Variants in BDP1 observed in about 807,000 individuals in gnomAD.
BDP1 encodes transcription factor TFIIIB component B'' homolog.
Under a neutral mutation model 266.6 loss-of-function variants are expected in BDP1, and 169 were observed. The observed-to-expected ratio is 0.63, with a 90% CI of 0.56 to 0.72. BDP1 has a LOEUF of 0.72. Among genes scored for constraint, BDP1 ranks in the 30% least tolerant of loss-of-function variants. The pLI, the probability that BDP1 is intolerant of heterozygous loss-of-function variation, is 0.00. For synonymous variants in BDP1, 1,090 were observed against 1,022.4 expected, an observed-to-expected ratio of 1.07 and a Z score of -1.26; for missense variants, 3,015 against 3,053.8, an observed-to-expected ratio of 0.99 and a Z score of 0.30.
At chr5:71,464,235 C>G (rs1761757208) in intron 4 of BDP1, 118 bp downstream of exon 4, 1 of 640,736 alleles carries the variant, frequency 1.6e-6, no homozygotes, top group East Asian at 3.0e-5. Context: ...GTGGTTCACT[C>G]CTGTAATCTC....
intron 7 of BDP1, among the ~76,000 whole-genome samples, chr5:71,477,107 A>G (rs1236485934): frequency 6.6e-6 from 1 of 151,112 alleles, no homozygotes; most frequent in Admixed American, 6.6e-5. Flanking sequence ...TCAGCCTCCC[A>G]AAGTGCGGGG....
At chr5:71,470,226 G>A (rs1404308719) in intron 6 of BDP1, among the ~76,000 whole-genome samples, 169 bp from the exon 7 acceptor site, 1 of 152,148 alleles carries the variant, frequency 6.6e-6, no homozygotes, top group East Asian at 1.9e-4. Flanking sequence ...ACCATGCCCA[G>A]CCTACGATTT....
Position 71,510,551 on chromosome 5 carries a change from A to G in BDP1, c.3459A>G (p.Ile1153Met). The part of the protein sequence containing the change: ...KDLEETGRRE[I>M]SPEENGPEEV... ...TGGAAGAAACTGGAAGAAGAGAAAT[A>G]TCCCCAGAGGAAAATGGCCCAGAGG... The change falls in exon 17 of 39, where the codon ATA (isoleucine) becomes ATG (methionine). Residue 1153 changes from isoleucine to methionine, a missense_variant. Physicochemically the swap from Ile to Met is conservative, Grantham distance 10 (BLOSUM62 1). Coordinates refer to ENST00000358731, the MANE Select transcript of BDP1 (RefSeq NM_018429.3). 1 of 1,614,134 alleles carries G rather than the reference A, an allele frequency of 6.2e-7. No homozygotes were observed. Among genetic ancestry groups the G allele is most frequent in the South Asian group, 1.1e-5 (1 of 91,058 alleles).
intron 10 of BDP1, 82 bp downstream of exon 10, chr5:71,489,764 G>A: frequency 8.2e-7 from 1 of 1,224,772 alleles, no homozygotes; most frequent in East Asian, 2.4e-5. Flanking sequence ...TTAATTTTCT[G>A]TCTAGATAGC....
At chr5:71,574,099 A>G in the BDP1 span, among the ~76,000 whole-genome samples, 3 of 152,284 alleles carry the variant, frequency 2.0e-5, no homozygotes, top group East Asian at 5.8e-4. Flanking sequence ...TCGATCTACA[A>G]TGTCAGTGCA....
At chr5:71,500,316 CTTTTTTTTTTT>C (rs58201517) in intron 13 of BDP1, among the ~76,000 whole-genome samples, 5 of 73,112 alleles carry the variant, frequency 6.8e-5, no homozygotes, top group Non-Finnish European at 1.2e-4. Flanking sequence ...AATCTTGTTT[CTTTTTTTTTTT>C]TTTTTTTTTT....
chr5:71,459,268 T>A (rs1360361776), intron 2 of BDP1, among the ~76,000 whole-genome samples: 1 of 152,158 alleles, frequency 6.6e-6, no homozygotes, highest in East Asian at 1.9e-4. Context: ...TCCCAGCACT[T>A]TGGGAGGACT....
In BDP1 at chr5:71,509,778, A is replaced by G. The variant is rs1764793449; in HGVS notation, c.2686A>G (p.Ile896Val). 1.9e-6 allele frequency: 3 copies of G among 1,614,068 alleles called. No individual in the cohort carries two copies. The highest frequency in any genetic ancestry group is 1.3e-5 in the African/African-American group (1 of 74,940). ...GATTCTAGATGTGATTGATGACACC[A>G]TAGAAATGGAGACAGGTCTGAAAGC... ...EKILDVIDDT[I>V]EMETGLKAMG... is the part of the protein sequence containing the mutation. Residue 896 changes from isoleucine to valine, a missense_variant, in exon 17 of 39, where the codon ATA becomes GTA. Coordinates refer to ENST00000358731, the MANE Select transcript of BDP1 (RefSeq NM_018429.3).
At chr5:71,499,839 A>G (rs1764122761) in intron 13 of BDP1, among the ~76,000 whole-genome samples, 1 of 152,184 alleles carries the variant, frequency 6.6e-6, no homozygotes, top group African/African-American at 2.4e-5. Flanking sequence ...AGGCTTTCTC[A>G]AGGAAACAAA....
At chr5:71,527,661 A>G (rs1003036121) in intron 25 of BDP1, among the ~76,000 whole-genome samples, 5 of 152,022 alleles carry the variant, frequency 3.3e-5, no homozygotes, top group South Asian at 2.1e-4. Context: ...TTATTCCTTT[A>G]TCATCAATGG....
downstream of BDP1, among the ~76,000 whole-genome samples, chr5:71,572,707 G>A (rs1476486467): frequency 6.6e-6 from 1 of 152,168 alleles, no homozygotes; most frequent in Non-Finnish European, 1.5e-5. Flanking sequence ...CATAACCCAT[G>A]GTTTCCACGG....
At chr5:71,489,826 T>C in intron 10 of BDP1, 144 bp downstream of exon 10, 1 of 576,036 alleles carries the variant, frequency 1.7e-6, no homozygotes, top group Non-Finnish European at 2.8e-6. Flanking sequence ...GTGCTAACGC[T>C]GTTTATTTTT....
chr5:71,564,712 T>C (rs768221508), intron 38 of BDP1, 42 bp from the exon 39 acceptor site: 2 of 1,501,554 alleles, frequency 1.3e-6, no homozygotes, highest in East Asian at 2.3e-5. Flanking sequence ...ATAAATGTTG[T>C]ATTACAGTTT....
At chr5:71,531,320 G>A (rs1766233352) in intron 25 of BDP1, among the ~76,000 whole-genome samples, 1 of 151,908 alleles carries the variant, frequency 6.6e-6, no homozygotes, top group Admixed American at 6.6e-5. Context: ...TATTCTAGTA[G>A]GTAAATACCT....
At chr5:71,520,016 G>A (rs537923508) in intron 22 of BDP1, among the ~76,000 whole-genome samples, 2 of 152,304 alleles carry the variant, frequency 1.3e-5, no homozygotes, top group Non-Finnish European at 2.9e-5. Context: ...TTTAACGGCA[G>A]TAGGATATCT....
chr5:71,456,560 T>G (rs184893268), intron 1 of BDP1, among the ~76,000 whole-genome samples: 1 of 152,280 alleles, frequency 6.6e-6, no homozygotes, highest in African/African-American at 2.4e-5. Flanking sequence ...GTGTGCCTCT[T>G]TAACTATGGT....
intron 7 of BDP1, among the ~76,000 whole-genome samples, chr5:71,471,602 C>G (rs1342414057): frequency 6.6e-6 from 1 of 152,190 alleles, no homozygotes; most frequent in Non-Finnish European, 1.5e-5. Flanking sequence ...ACAGTGATGT[C>G]AGTTACAGCT....
rs1331475094 is a variant in BDP1 at position 71,509,865 on chromosome 5, A to G, written c.2773A>G (p.Ile925Val). The change falls in exon 17 of 39, where the codon ATA (isoleucine) becomes GTA (valine). Residue 925 changes from isoleucine to valine, a missense_variant. This residue lies in a region of BDP1 where 2,383 missense variants were observed against 2,404.9 expected (regional missense o/e 0.99). Coordinates refer to ENST00000358731, the MANE Select transcript of BDP1 (RefSeq NM_018429.3). ...TPEVIDATEE[I>V]DKDLEEAGRR... is the part of the protein sequence containing the mutation. ...AGAGGTGATTGATGCCACTGAGGAA[A>G]TAGACAAAGATTTGGAAGAAGCTGG... 7 of 1,614,050 alleles carry G rather than the reference A, an allele frequency of 4.3e-6. No individual in the cohort carries two copies. Among genetic ancestry groups the G allele is most frequent in the South Asian group, 1.1e-5 (1 of 91,084 alleles).
chr5:71,576,776 G>A, the BDP1 span, among the ~76,000 whole-genome samples: 6 of 152,256 alleles, frequency 3.9e-5, no homozygotes, highest in Admixed American at 1.3e-4. Context: ...CCAGTCGGCC[G>A]CCCAGATTGC....
Sources: allele counts gnomAD v4.1 joint callset (sites outside exome capture counted in the v4.1 genomes callset), GRCh38; gene constraint gnomAD v4.1.1; regional missense constraint gnomAD v4.1.1; transcripts MANE v1.5; gene names NCBI Gene and HGNC (gene_info 2026-07-23, HGNC 2026-07-21).